Variants in HELZ observed in about 807,000 individuals in gnomAD.
The protein encoded by HELZ is helicase with zinc finger.
A neutral mutation model predicts 218.2 loss-of-function variants in HELZ; 23 were observed. That is an observed-to-expected ratio of 0.11 (90% CI 0.08 to 0.15). The LOEUF is 0.15. HELZ is among the 10% of genes least tolerant of loss of function. The pLI, the probability that HELZ is intolerant of heterozygous loss-of-function variation, is 1.00. For missense variants in HELZ, 1,813 were observed against 2,353.7 expected (o/e 0.77, Z 4.75); for synonymous variants, 814 against 829.4 (o/e 0.98, Z 0.32).
chr17:67,162,877 T>A (rs1359752581), intron 15 of HELZ, among the ~76,000 whole-genome samples: 2 of 152,176 alleles, frequency 1.3e-5, no homozygotes, highest in African/African-American at 4.8e-5. Context: ...GAACATGCCC[T>A]ACATAGTAGA....
chr17:67,209,826 C>T (rs1326243344), intron 5 of HELZ, among the ~76,000 whole-genome samples: 1 of 152,088 alleles, frequency 6.6e-6, no homozygotes, highest in Non-Finnish European at 1.5e-5. Context: ...TTCAGAGGGC[C>T]CAACCCTGTG....
chr17:67,193,509 A>C (rs2144310988), intron 9 of HELZ, among the ~76,000 whole-genome samples: 1 of 152,230 alleles, frequency 6.6e-6, no homozygotes, highest in African/African-American at 2.4e-5. Flanking sequence ...CAAGATCAGG[A>C]GTTCAAGACC....
At chr17:67,152,896 T>C (rs560946745) in intron 17 of HELZ, among the ~76,000 whole-genome samples, 21 of 152,004 alleles carry the variant, frequency 1.4e-4, no homozygotes, top group African/African-American at 3.1e-4. Flanking sequence ...GCATGGGGTA[T>C]TGGAAGCAAA....
At position 67,107,052 on chromosome 17, in the gene HELZ, T is replaced by G. The variant is rs971328237; in HGVS notation, c.5241+117A>C. 10 of 997,250 alleles carry G rather than the reference T, an allele frequency of 1.0e-5. No homozygotes were observed. The African/African-American group carries it at 1.5e-4, about 15-fold the overall frequency. The allele number at this position is 997,250 out of a possible 1,614,324, so 61.8% of individuals were successfully genotyped here. Reference sequence around the variant, plus strand: ...AATTAAAATAATTCCCAAGAAAGGATTATCTTTAATACGCTGTTAAATTCA... The same window carrying G: ...AATTAAAATAATTCCCAAGAAAGGAGTATCTTTAATACGCTGTTAAATTCA... On this transcript the variant is annotated intron_variant, in intron 31 of 32. Coordinates refer to ENST00000358691, the MANE Select transcript of HELZ (RefSeq NM_014877.4).
In HELZ at chr17:67,147,536, G is replaced by A. The variant is rs905375425; in HGVS notation, c.2621+1033C>T. Among the ~76,000 whole-genome samples the A allele has an allele frequency of 3.3e-5, 5 of 152,002 alleles. No individual in the cohort carries two copies. The East Asian group carries it at 5.8e-4, about 18-fold the overall frequency. On this transcript the variant is annotated intron_variant, in intron 20 of 32. Transcript: ENST00000358691. ...TCTGTCGCCCAGGCTGGAGTGCAACGGCATGATCATGGCTCACTGAAGCCT... is the reference window on the plus strand; with the variant it reads ...TCTGTCGCCCAGGCTGGAGTGCAACAGCATGATCATGGCTCACTGAAGCCT...
chr17:67,109,349 A>C lies in HELZ; in HGVS notation c.4256T>G (p.Leu1419Arg). The change falls in exon 29 of 33, where the codon CTT becomes CGT. Residue 1419 changes from leucine to arginine, a missense_variant. Around this residue, in one of 4 missense-constraint regions of HELZ, gnomAD observed 938 missense variants for 1,027.5 expected, o/e 0.91. Transcript: ENST00000358691. The stretch of plus-strand genomic sequence containing the variant: ...GGGTCCCGCCTGATATGCAGGAGAA[A>C]GCTGAGGAGGTGGCTGCTGAGGCTG... ...NQQPQQPPPQ[L>R]SPAYQAGPNN... 1 of 1,614,144 alleles carries C rather than the reference A, an allele frequency of 6.2e-7. No homozygotes were observed. Among genetic ancestry groups the C allele is most frequent in the South Asian group, 1.1e-5 (1 of 91,086 alleles).
At chr17:67,155,932 A>T in intron 17 of HELZ, among the ~76,000 whole-genome samples, 1 of 150,296 alleles carries the variant, frequency 6.7e-6, no homozygotes, top group East Asian at 1.9e-4. Context: ...GTGTGTGTGT[A>T]TATATTATAC....
intron 21 of HELZ, among the ~76,000 whole-genome samples, chr17:67,139,772 T>C (rs2143965751): frequency 6.6e-6 from 1 of 152,220 alleles, no homozygotes. Context: ...AGAACTGTTT[T>C]AACGGCCAAG....
At chr17:67,133,864 T>C (rs2038063454) in intron 23 of HELZ, among the ~76,000 whole-genome samples, 1 of 152,212 alleles carries the variant, frequency 6.6e-6, no homozygotes, top group Non-Finnish European at 1.5e-5. Context: ...TCTAGTTGTT[T>C]TCAACATGTG....
chr17:67,083,476 C>T (rs1043943560), intron 32 of HELZ, among the ~76,000 whole-genome samples: 1 of 152,010 alleles, frequency 6.6e-6, no homozygotes, highest in African/African-American at 2.4e-5. Context: ...CCTGTCTCTA[C>T]TAAAAACACA....
At chr17:67,150,982 A>G (rs1216939280) in intron 18 of HELZ, 64 bp downstream of exon 18, 42 of 1,442,442 alleles carry the variant, frequency 2.9e-5, no homozygotes, top group Non-Finnish European at 3.6e-5. Flanking sequence ...GTAGTTTGCC[A>G]ATCCCAGTCT....
chr17:67,168,116 G>C (rs779188329), intron 13 of HELZ, among the ~76,000 whole-genome samples: 4 of 151,948 alleles, frequency 2.6e-5, no homozygotes, highest in Non-Finnish European at 5.9e-5. Context: ...CGAGTAGCTG[G>C]GATTACAGAT....
chr17:67,184,097 A>T (rs922247017), intron 12 of HELZ, among the ~76,000 whole-genome samples: 16 of 152,164 alleles, frequency 1.1e-4, no homozygotes, highest in Non-Finnish European at 2.2e-4. Context: ...TCAATACTTA[A>T]CAATGAACTA....
chr17:67,238,415 C>T (rs1370073316), intron 3 of HELZ, among the ~76,000 whole-genome samples: 1 of 150,366 alleles, frequency 6.7e-6, no homozygotes, highest in Non-Finnish European at 1.5e-5. Flanking sequence ...GGTGCGGTGG[C>T]TCACGCCTGT....
At chr17:67,097,292 C>A (rs1052819330) in intron 31 of HELZ, among the ~76,000 whole-genome samples, 1 of 152,164 alleles carries the variant, frequency 6.6e-6, no homozygotes, top group East Asian at 1.9e-4. Context: ...AAAGTGAGCA[C>A]GTGCTGTCAG....
chr17:67,129,309 T>C (rs1166694475), intron 23 of HELZ, among the ~76,000 whole-genome samples: 1 of 151,948 alleles, frequency 6.6e-6, no homozygotes, highest in African/African-American at 2.4e-5. Flanking sequence ...TTTATATACA[T>C]ACGCATATAT....
chr17:67,105,114 C>G (rs1430515212), intron 31 of HELZ, among the ~76,000 whole-genome samples: 2 of 152,188 alleles, frequency 1.3e-5, no homozygotes, highest in African/African-American at 4.8e-5. Flanking sequence ...GCCTGGGCGA[C>G]TGAGTGCGAC....
intron 3 of HELZ, among the ~76,000 whole-genome samples, chr17:67,219,076 T>C (rs1005787526): frequency 6.6e-6 from 1 of 152,114 alleles, no homozygotes; most frequent in Non-Finnish European, 1.5e-5. Context: ...TATAACAAAT[T>C]TATAAATGAG....
At position 67,108,085 on chromosome 17, in the gene HELZ, A is replaced by C. The variant is rs942555789; in HGVS notation, c.4725-400T>G. On this transcript the variant is annotated intron_variant, in intron 30 of 32. Coordinates refer to ENST00000358691, the MANE Select transcript of HELZ (RefSeq NM_014877.4). This position sits in a 1 kb window ranked among gnomAD's most constrained non-coding sequence, Gnocchi z 4.1. Reference sequence around the variant, plus strand: ...ACTCATATGTAGCTGGAATTATAGGAATGTAGAATTCTGTGCCACCATAAA... The same window carrying C: ...ACTCATATGTAGCTGGAATTATAGGCATGTAGAATTCTGTGCCACCATAAA... Among the ~76,000 whole-genome samples, 5 of 152,218 alleles carry C rather than the reference A, an allele frequency of 3.3e-5. No individual in the cohort carries two copies. In the South Asian group the frequency reaches 8.3e-4, roughly 25 times the overall value.
Sources: allele counts gnomAD v4.1 joint callset (sites outside exome capture counted in the v4.1 genomes callset), GRCh38; gene constraint gnomAD v4.1.1; regional missense constraint gnomAD v4.1.1; non-coding constraint Gnocchi (gnomAD v3.1); transcripts MANE v1.5; gene names NCBI Gene and HGNC (gene_info 2026-07-23, HGNC 2026-07-21).